Variants in AFG2A observed in about 807,000 individuals in gnomAD.
AFG2A encodes ATPase family gene 2 protein homolog A.
At chr4:123,105,890 A>C in the AFG2A span, among the ~76,000 whole-genome samples, 1 of 152,204 alleles carries the variant, frequency 6.6e-6, no homozygotes, top group African/African-American at 2.4e-5. Context: ...TGAAATGGTA[A>C]CTGAGGATTT....
the AFG2A span, among the ~76,000 whole-genome samples, chr4:123,050,972 C>G: frequency 6.6e-6 from 1 of 152,000 alleles, no homozygotes; most frequent in African/African-American, 2.4e-5. Context: ...AACTCCTGAC[C>G]TAGCGATCCA....
At chr4:123,311,106 C>T in the AFG2A span, among the ~76,000 whole-genome samples, 1 of 152,168 alleles carries the variant, frequency 6.6e-6, no homozygotes, top group Non-Finnish European at 1.5e-5. Context: ...TTTTCTATAT[C>T]TCAAGTTTCG....
At chr4:123,189,039 A>T in the AFG2A span, among the ~76,000 whole-genome samples, 4,915 of 152,254 alleles carry the variant, frequency 0.032, 273 homozygotes, top group African/African-American at 0.11. Context: ...TTGACATTTG[A>T]TGCTACTACT....
the AFG2A span, among the ~76,000 whole-genome samples, chr4:123,059,636 C>T: frequency 6.6e-6 from 1 of 150,556 alleles, no homozygotes; most frequent in South Asian, 2.1e-4. Context: ...GTCTTTATAC[C>T]AGCATGATTT....
At chr4:123,052,558 C>G in the AFG2A span, among the ~76,000 whole-genome samples, 3,256 of 152,216 alleles carry the variant, frequency 0.021, 58 homozygotes, top group Non-Finnish European at 0.035. Context: ...TTTTACTCTT[C>G]ACAGTCTTCC....
At chr4:123,002,443 C>T in the AFG2A span, among the ~76,000 whole-genome samples, 9 of 152,114 alleles carry the variant, frequency 5.9e-5, no homozygotes, top group South Asian at 4.2e-4. Flanking sequence ...CGGCTGGTAC[C>T]GGTTGTGCCT....
At chr4:123,177,061 A>G in the AFG2A span, among the ~76,000 whole-genome samples, 3 of 152,198 alleles carry the variant, frequency 2.0e-5, no homozygotes, top group African/African-American at 7.2e-5. Context: ...AAAAGCCCTC[A>G]TATTAGCTCC....
chr4:123,188,566 A>G, the AFG2A span, among the ~76,000 whole-genome samples: 1 of 152,190 alleles, frequency 6.6e-6, no homozygotes, highest in Admixed American at 6.5e-5. Flanking sequence ...GTTTTTTGCT[A>G]GTGTGGAACT....
the AFG2A span, among the ~76,000 whole-genome samples, chr4:123,213,690 A>G: frequency 2.6e-5 from 4 of 152,204 alleles, no homozygotes; most frequent in African/African-American, 9.6e-5. Flanking sequence ...TAGCTGGGGT[A>G]GCTTTCTCTT....
At chr4:122,994,769 G>A in the AFG2A span, among the ~76,000 whole-genome samples, 1 of 151,256 alleles carries the variant, frequency 6.6e-6, no homozygotes, top group African/African-American at 2.4e-5. Flanking sequence ...AAACCCCTTA[G>A]TAAACTCCGA....
At chr4:122,986,545 T>C in the AFG2A span, among the ~76,000 whole-genome samples, 1 of 152,004 alleles carries the variant, frequency 6.6e-6, no homozygotes, top group Non-Finnish European at 1.5e-5. Context: ...GGAGCTAAGG[T>C]ATGAGGACAC....
chr4:123,314,261 A>G, the AFG2A span: 8 of 392,868 alleles, frequency 2.0e-5, no homozygotes, highest in African/African-American at 1.4e-4. Context: ...ATAAGTTTCA[A>G]TCAGTTTTAC....
At chr4:122,927,579 A>G in the AFG2A span, 3 of 1,541,584 alleles carry the variant, frequency 1.9e-6, no homozygotes, top group Non-Finnish European at 2.6e-6. Context: ...AAAAGAAAGC[A>G]TGCCTTAACT....
chr4:122,939,886 G>T, the AFG2A span, among the ~76,000 whole-genome samples: 4 of 152,042 alleles, frequency 2.6e-5, no homozygotes, highest in Non-Finnish European at 5.9e-5. Context: ...GCAGTGTTTG[G>T]TTTTTTGTCC....
chr4:122,933,923 C>T, the AFG2A span, among the ~76,000 whole-genome samples: 7 of 152,170 alleles, frequency 4.6e-5, no homozygotes, highest in East Asian at 7.7e-4. Flanking sequence ...CCTTCTGTCT[C>T]CAGATGGTGT....
At chr4:123,250,038 A>C in the AFG2A span, among the ~76,000 whole-genome samples, 1 of 152,118 alleles carries the variant, frequency 6.6e-6, no homozygotes, top group Non-Finnish European at 1.5e-5. Flanking sequence ...AGAGGAAGGC[A>C]CTCCCTATAT....
the AFG2A span, among the ~76,000 whole-genome samples, chr4:123,065,954 A>G: frequency 6.6e-6 from 1 of 152,302 alleles, no homozygotes; most frequent in African/African-American, 2.4e-5. Flanking sequence ...AACATGATCA[A>G]ATATATTTAA....
the AFG2A span, among the ~76,000 whole-genome samples, chr4:123,223,320 G>A: frequency 2.0e-5 from 3 of 151,898 alleles, no homozygotes; most frequent in African/African-American, 4.8e-5. Flanking sequence ...TATACCTGTT[G>A]CCCATTTGTA....
chr4:123,112,123 T>C, the AFG2A span, among the ~76,000 whole-genome samples: 1 of 152,192 alleles, frequency 6.6e-6, no homozygotes, highest in East Asian at 1.9e-4. Context: ...ACTGAATGAA[T>C]GCATACATTC....
Sources: gnomAD v4.1 joint callset for allele counts (sites outside exome capture counted in the v4.1 genomes callset) on GRCh38, gnomAD v4.1.1 for gene constraint, MANE v1.5 for transcripts, NCBI Gene and HGNC (gene_info 2026-07-23, HGNC 2026-07-21) for gene names.